The following SYNE1 variants were observed in gnomAD, a reference collection of about 807,000 sequenced individuals.
The protein encoded by SYNE1 is nesprin-1.
Under a neutral mutation model 1,111.0 loss-of-function variants are expected in SYNE1, and 616 were observed. The ratio of observed to expected loss-of-function variants is 0.55; its 90% CI spans 0.52 to 0.59. SYNE1 has a LOEUF of 0.59. Ranked by LOEUF, SYNE1 falls within the 20% of genes least tolerant of loss-of-function variation. SYNE1 has a pLI of 0.00. For synonymous variants in SYNE1, 3,855 were observed against 3,825.8 expected (o/e 1.01, Z -0.28); for missense variants, 10,006 against 10,417.0 (o/e 0.96, Z 1.72).
chr6:152,380,211 C>T (rs1477562480), intron 56 of SYNE1, among the ~76,000 whole-genome samples: 6 of 152,178 alleles, frequency 3.9e-5, no homozygotes, highest in Non-Finnish European at 2.9e-5. Flanking sequence ...GACTTTCTTA[C>T]TGGCAGGAGC....
chr6:152,357,567 ACCTATT>A (rs2096858759), intron 66 of SYNE1, among the ~76,000 whole-genome samples: 1 of 151,928 alleles, frequency 6.6e-6, no homozygotes. Flanking sequence ...CTTGATTCCT[ACCTATT>A]CCTTAAGGTA....
chr6:152,149,973 C>T (rs1353194632), intron 135 of SYNE1, among the ~76,000 whole-genome samples: 5 of 152,066 alleles, frequency 3.3e-5, no homozygotes, highest in Admixed American at 6.5e-5. Context: ...TCAAACCCAC[C>T]GTAAGTTGAC....
chr6:152,310,579 T>C, intron 88 of SYNE1, 61 bp from the exon 89 acceptor site: 1 of 1,612,700 alleles, frequency 6.2e-7, no homozygotes, highest in Non-Finnish European at 8.5e-7. Flanking sequence ...AAGAATAACA[T>C]CACAGTCAAG....
intron 124 of SYNE1, 152 bp downstream of exon 124, chr6:152,211,342 G>A: frequency 4.4e-6 from 3 of 675,238 alleles, no homozygotes; most frequent in South Asian, 1.7e-5. Flanking sequence ...TCATTTCAGA[G>A]ATTGAGACAA....
At chr6:152,314,823 T>C (rs1245162012) in intron 87 of SYNE1, among the ~76,000 whole-genome samples, 1 of 150,548 alleles carries the variant, frequency 6.6e-6, no homozygotes, top group Non-Finnish European at 1.5e-5. Context: ...TGATGGCACG[T>C]GCCTGTAGTT....
Position 152,390,392 on chromosome 6 carries a change from C to G in SYNE1, c.8065G>C (p.Glu2689Gln), listed in dbSNP as rs766019755. 8.7e-6 allele frequency: 14 copies of G among 1,614,014 alleles called. No individual in the cohort carries two copies. In the Admixed American group the frequency reaches 2.2e-4, roughly 25 times the overall value. The change falls in exon 53 of 146, where the codon GAA becomes CAA. Residue 2689 changes from glutamate (E) to glutamine (Q), a missense_variant. By Grantham distance (29) the Glu-to-Gln change is conservative. Transcript: ENST00000367255. ...TTGTTGCTACTTCTCAAGGCCTGTT[C>G]CCCCTTGCCAATGGCCATATTCAAC... ...VKLNMAIGKGEQALRSSNKEG... is the reference protein window; with the variant it reads ...VKLNMAIGKGQQALRSSNKEG...
At chr6:152,237,330 G>A (rs2635445) in intron 108 of SYNE1, among the ~76,000 whole-genome samples, 3 of 95,776 alleles carry the variant, frequency 3.1e-5, no homozygotes, top group Non-Finnish European at 4.0e-5. Context: ...TTTTTTTTTA[G>A]ATAGGCTCTC....
intron 127 of SYNE1, among the ~76,000 whole-genome samples, chr6:152,196,667 C>T (rs1292727078): frequency 3.3e-5 from 5 of 151,766 alleles, no homozygotes; most frequent in Non-Finnish European, 7.4e-5. Context: ...AAACAAAGTC[C>T]TCTTTACTCT....
At chr6:152,300,848 A>G in intron 92 of SYNE1, 67 bp from the exon 93 acceptor site, 2 of 1,610,534 alleles carry the variant, frequency 1.2e-6, no homozygotes, top group East Asian at 2.2e-5. Flanking sequence ...AGTCCTGTTC[A>G]GGCACAGGCC....
chr6:152,524,649 T>C (rs773938196), intron 5 of SYNE1, among the ~76,000 whole-genome samples: 3 of 152,084 alleles, frequency 2.0e-5, no homozygotes, highest in Non-Finnish European at 4.4e-5. Flanking sequence ...AGACAAGCAC[T>C]TGGGTGCATG....
At chr6:152,247,270 T>C (rs976346374) in intron 105 of SYNE1, among the ~76,000 whole-genome samples, 2 of 152,148 alleles carry the variant, frequency 1.3e-5, no homozygotes, top group African/African-American at 4.8e-5. Flanking sequence ...TTAATCCAAG[T>C]TGGGTAGGCA....
chr6:152,607,108 C>T (rs967928199), intron 3 of SYNE1, among the ~76,000 whole-genome samples: 1 of 151,154 alleles, frequency 6.6e-6, no homozygotes, highest in Non-Finnish European at 1.5e-5. Flanking sequence ...CCTCAGCCCC[C>T]CCAGTAGGTG....
chr6:152,512,736 G>T (rs1015341480), intron 6 of SYNE1, among the ~76,000 whole-genome samples: 4 of 152,104 alleles, frequency 2.6e-5, no homozygotes, highest in Non-Finnish European at 5.9e-5. Flanking sequence ...ATGATTATCT[G>T]CCCCAAAATG....
chr6:152,331,071 T>C lies in SYNE1; in HGVS notation c.13614A>G (p.Glu4538=). The change falls in exon 78 of 146, where the codon GAA becomes GAG. Residue 4538 remains glutamate, a synonymous_variant. Coordinates refer to ENST00000367255, the MANE Select transcript of SYNE1 (RefSeq NM_182961.4). ...EKSEVLGKLQ[E]LQSVYDSVLQ... ...AAACACTGTCATAGACACTCTGCAA[T>C]TCCTGAAGCTTCCCCAGCACTTCAC... 6.2e-7 allele frequency: 1 copy of C among 1,614,162 alleles called. No individual in the cohort carries two copies. Among genetic ancestry groups the C allele is most frequent in the Non-Finnish European group, 8.5e-7 (1 of 1,180,026 alleles).
At position 152,255,625 on chromosome 6, in the gene SYNE1, G is replaced by C. The variant is rs778626440; in HGVS notation, c.19226C>G (p.Pro6409Arg). ...ERLFVATALL[P>R]EETETCLFNQ... The stretch of plus-strand genomic sequence containing the variant: ...GAAGAGACAAGTCTCTGTTTCTTCT[G>C]GTAAAAGTGCTGTGGCAACAAATAA... The change falls in exon 103 of 146, where the codon CCA becomes CGA. Residue 6409 changes from proline (P) to arginine (R), a missense_variant. This residue lies in a region of SYNE1 where 2,182 missense variants were observed against 2,287.8 expected (regional missense o/e 0.95). Coordinates refer to ENST00000367255, the MANE Select transcript of SYNE1 (RefSeq NM_182961.4). 11 of 1,614,146 alleles carry C rather than the reference G, an allele frequency of 6.8e-6. No homozygotes were observed. The highest frequency in any genetic ancestry group is 9.3e-6 in the Non-Finnish European group (11 of 1,180,028).
In SYNE1 at chr6:152,353,367, A is replaced by G. The variant is rs781308718; in HGVS notation, c.11149T>C (p.Tyr3717His). 5.0e-6 allele frequency: 8 copies of G among 1,614,242 alleles called. No individual in the cohort carries two copies. Among genetic ancestry groups the G allele is most frequent in the Non-Finnish European group, 5.9e-6 (7 of 1,180,042 alleles). Residue 3717 changes from tyrosine to histidine, a missense_variant, in exon 69 of 146, where the codon TAT (tyrosine) becomes CAT (histidine). By Grantham distance (83) the Tyr-to-His change is moderately conservative. Transcript: ENST00000367255. ...TGAGTAGAGCCATACCAATCAGAATAGGAACTGAGGGATGATTCTGATTCC... is the reference window on the plus strand; with the variant it reads ...TGAGTAGAGCCATACCAATCAGAATGGGAACTGAGGGATGATTCTGATTCC... ...LEESESSLSS[Y>H]SDWYGSTHKN...
At chr6:152,255,867 G>T in intron 102 of SYNE1, 121 bp from the exon 103 acceptor site, 1 of 1,141,846 alleles carries the variant, frequency 8.8e-7, no homozygotes, top group Non-Finnish European at 1.3e-6. Flanking sequence ...GTAGCCCAAA[G>T]CAGACAGATC....
chr6:152,303,098 C>CTTTTTTTTTTT (rs71017533), intron 91 of SYNE1, among the ~76,000 whole-genome samples: 2 of 107,088 alleles, frequency 1.9e-5, no homozygotes, highest in Non-Finnish European at 3.6e-5. Context: ...AACTATTATT[C>CTTTTTTTTTTT]TTTTTTTTTT....
chr6:152,143,736 G>C lies in SYNE1; in HGVS notation c.25006C>G (p.Arg8336Gly). Residue 8336 changes from arginine (R) to glycine (G), a missense_variant, in exon 138 of 146, where the codon CGA becomes GGA. By Grantham distance (125) the Arg-to-Gly change is moderately radical (BLOSUM62 -2). Transcript: ENST00000367255. ...GDHSALESQI[R>G]QLGKALDDSR... ...TCATCCAGGGCTTTGCCCAGTTGTCGGATCTGTGACTCTAGGGCACTGTGG... is the reference window on the plus strand; with the variant it reads ...TCATCCAGGGCTTTGCCCAGTTGTCCGATCTGTGACTCTAGGGCACTGTGG... The C allele has an allele frequency of 6.2e-7, 1 of 1,614,158 alleles. No homozygotes were observed.
Sources: gnomAD v4.1 joint callset for allele counts (sites outside exome capture counted in the v4.1 genomes callset) on GRCh38, gnomAD v4.1.1 for gene constraint, gnomAD v4.1.1 regional missense constraint, MANE v1.5 for transcripts, NCBI Gene and HGNC (gene_info 2026-07-23, HGNC 2026-07-21) for gene names.